Variants in MAP3K9 observed in about 807,000 individuals in gnomAD.
MAP3K9 encodes the protein mitogen-activated protein kinase kinase kinase 9.
Under a neutral mutation model 95.8 loss-of-function variants are expected in MAP3K9, and 46 were observed. The observed-to-expected ratio is 0.48, with a 90% CI of 0.38 to 0.61. The LOEUF (loss-of-function observed/expected upper bound fraction) is 0.61. MAP3K9 is among the 20% of genes least tolerant of loss of function. The pLI, the probability that MAP3K9 is intolerant of heterozygous loss-of-function variation, is 0.00. For synonymous variants in MAP3K9, 533 were observed against 593.8 expected, an observed-to-expected ratio of 0.90 and a Z score of 1.49; for missense variants, 1,296 against 1,474.3, an observed-to-expected ratio of 0.88 and a Z score of 1.98.
At chr14:70,807,416 G>A (rs926151379) in intron 1 of MAP3K9, among the ~76,000 whole-genome samples, 3 of 152,092 alleles carry the variant, frequency 2.0e-5, no homozygotes, top group Admixed American at 2.0e-4. Flanking sequence ...CTTGAACCCG[G>A]GAGGCAGAGG....
At chr14:70,747,904 C>T (rs577133114) in intron 5 of MAP3K9, among the ~76,000 whole-genome samples, 3 of 152,064 alleles carry the variant, frequency 2.0e-5, no homozygotes, top group Middle Eastern at 3.4e-3. Flanking sequence ...GTCAGGAGAT[C>T]GAGAGCATTC....
At chr14:70,808,113 AC>A (rs1443058784) in intron 1 of MAP3K9, among the ~76,000 whole-genome samples, 1 of 152,124 alleles carries the variant, frequency 6.6e-6, no homozygotes, top group East Asian at 1.9e-4. Flanking sequence ...CACTTGTCTC[AC>A]CCCCACTCTC....
Position 70,809,197 on chromosome 14 carries a change from G to GGCC in MAP3K9, c.-29_-27dup. The GGCC allele has an allele frequency of 3.9e-6, 5 of 1,294,904 alleles. No individual in the cohort carries two copies. The highest frequency in any genetic ancestry group is 4.9e-6 in the Non-Finnish European group (5 of 1,027,924). 80.2% of individuals were successfully genotyped at this position (1,294,904 alleles called of 1,614,324 possible). ...GGAGCGGCCGATCCATAGGGTGCGG[G>GGCC]GCCGCCGCCGCCCGCAGGAGCCGCC... On this transcript the variant is annotated 5_prime_UTR_variant, in exon 1 of 12. Transcript: ENST00000554752.
At chr14:70,783,045 A>T (rs2054701860) in intron 2 of MAP3K9, among the ~76,000 whole-genome samples, 1 of 152,150 alleles carries the variant, frequency 6.6e-6, no homozygotes, top group Admixed American at 6.5e-5. Flanking sequence ...AAAGTCTTAG[A>T]ATATCTTATT....
Position 70,809,367 on chromosome 14 carries a change from G to A in MAP3K9, c.-196C>T. On this transcript the variant is annotated 5_prime_UTR_variant, in exon 1 of 12. Transcript: ENST00000554752. ...GGTACGAGAAGAGCGCCGAGCGCGA[G>A]CTCTTCGCGCAGCCTAGGGGCGCAG... is the stretch of plus-strand genomic sequence containing the variant. The A allele has an allele frequency of 1.6e-6, 1 of 634,568 alleles. No individual in the cohort carries two copies. Among genetic ancestry groups the A allele is most frequent in the Non-Finnish European group, 2.2e-6 (1 of 444,616 alleles). 39.3% of individuals were successfully genotyped at this position (634,568 alleles called of 1,614,324 possible). A position where few individuals can be genotyped will look rare whatever the true frequency, so the allele number is the denominator to read the frequency against.
At chr14:70,749,130 A>G in intron 4 of MAP3K9, 126 bp from the exon 5 acceptor site, 1 of 879,906 alleles carries the variant, frequency 1.1e-6, no homozygotes, top group Non-Finnish European at 1.7e-6. Flanking sequence ...CAGAGATCAG[A>G]ATTTAGGTAA....
intron 3 of MAP3K9, among the ~76,000 whole-genome samples, chr14:70,754,038 G>C (rs1373552545): frequency 1.3e-5 from 2 of 152,082 alleles, no homozygotes; most frequent in African/African-American, 2.4e-5. Context: ...TCTTGCACTT[G>C]GTAATTATCT....
intron 2 of MAP3K9, among the ~76,000 whole-genome samples, chr14:70,776,833 C>CT (rs11361103): frequency 2.1e-4 from 29 of 138,540 alleles, no homozygotes; most frequent in South Asian, 4.7e-4. Flanking sequence ...AGATCTCTCA[C>CT]TTTTTTTTTT....
At position 70,728,673 on chromosome 14, in the gene MAP3K9, A is replaced by C. The variant is rs2139691545; in HGVS notation, c.*1707T>G. On this transcript the variant is annotated 3_prime_UTR_variant, in exon 12 of 12. Transcript: ENST00000554752. ...AGACTTGGTGGGCCCCTTGAACCAA[A>C]GTGCTAATGGGCTCATAAAGCAAGG... 6.6e-6 allele frequency: 1 copy of C among 152,362 alleles called. No individual in the cohort carries two copies. Among genetic ancestry groups the C allele is most frequent in the African/African-American group, 2.4e-5 (1 of 41,586 alleles). 9.4% of individuals were successfully genotyped at this position (152,362 alleles called of 1,614,324 possible).
intron 3 of MAP3K9, among the ~76,000 whole-genome samples, chr14:70,759,953 G>A (rs566302655): frequency 1.3e-5 from 2 of 151,902 alleles, no homozygotes; most frequent in East Asian, 1.9e-4. Context: ...TGGGGGTCTC[G>A]CTATGTTGCC....
At chr14:70,759,691 T>C (rs1228742554) in intron 3 of MAP3K9, among the ~76,000 whole-genome samples, 2 of 152,196 alleles carry the variant, frequency 1.3e-5, no homozygotes, top group African/African-American at 4.8e-5. Flanking sequence ...ACAGCAGCCC[T>C]AGGAAACTAA....
rs2053843507 is a variant in MAP3K9 at position 70,728,112 on chromosome 14, A to AATTTTT, written c.*2267_*2268insAAAAAT. On this transcript the variant is annotated 3_prime_UTR_variant, in exon 12 of 12. Transcript: ENST00000554752. ...CCGGGGGAAGGAGGCCACAGAACAG[A>AATTTTT]CTTTTTTTTTTTTTTTTTTTTTTTT... 1 of 27,220 alleles carries AATTTTT rather than the reference A, an allele frequency of 3.7e-5. No homozygotes were observed. Among genetic ancestry groups the AATTTTT allele is most frequent in the South Asian group, 1.3e-3 (1 of 792 alleles). 1.7% of individuals were successfully genotyped at this position (27,220 alleles called of 1,614,324 possible). A position where few individuals can be genotyped will look rare whatever the true frequency, so the allele number is the denominator to read the frequency against.
At chr14:70,773,699 T>C (rs763015238) in intron 2 of MAP3K9, among the ~76,000 whole-genome samples, 1 of 152,236 alleles carries the variant, frequency 6.6e-6, no homozygotes, top group Non-Finnish European at 1.5e-5. Flanking sequence ...GGAAAGTGAA[T>C]GTGATAGCTG....
chr14:70,759,290 T>TAA (rs531934069), intron 3 of MAP3K9, among the ~76,000 whole-genome samples: 17 of 151,922 alleles, frequency 1.1e-4, no homozygotes, highest in Non-Finnish European at 2.2e-4. Context: ...ACTAAAAATA[T>TAA]AAAAATTAGC....
chr14:70,733,208 G>T lies in MAP3K9; in HGVS notation c.2161C>A (p.Pro721Thr). The T allele has an allele frequency of 1.2e-6, 2 of 1,611,436 alleles. No homozygotes were observed. The highest frequency in any genetic ancestry group is 2.2e-5 in the East Asian group (1 of 44,764). ...GPSSDGIHEE[P>T]TPVNSATSTP... ...CTCGTGGCCGAGTTGACTGGGGTGG[G>T]CTCCTCATGGATTCCATCACTGGAG... is the stretch of plus-strand genomic sequence containing the variant. The change falls in exon 11 of 12, where the codon CCC becomes ACC. Residue 721 changes from proline to threonine, a missense_variant. By Grantham distance (38) the Pro-to-Thr change is conservative. Around this residue, in one of 5 missense-constraint regions of MAP3K9, gnomAD observed 377 missense variants for 417.1 expected, o/e 0.90. Transcript: ENST00000554752.
Position 70,723,181 on chromosome 14 carries a change from G to GA in MAP3K9, c.*7198dup, listed in dbSNP as rs1426280295. 6.6e-6 allele frequency: 1 copy of GA among 152,238 alleles called. No individual in the cohort carries two copies. The highest frequency in any genetic ancestry group is 6.5e-5 in the Admixed American group (1 of 15,276). 9.4% of individuals were successfully genotyped at this position (152,238 alleles called of 1,614,324 possible). Reference sequence around the variant, plus strand: ...AAAAGCCTGACCTCAAGTGCCCAGGGAGGAGACACAAGCTACAATAAGGCT... The same window carrying GA: ...AAAAGCCTGACCTCAAGTGCCCAGGGAAGGAGACACAAGCTACAATAAGGCT... On this transcript the variant is annotated 3_prime_UTR_variant, in exon 12 of 12. Coordinates refer to ENST00000554752, the MANE Select transcript of MAP3K9 (RefSeq NM_001284230.2).
rs780879400 is a variant in MAP3K9 at position 70,727,810 on chromosome 14, C to T, written c.*2570G>A. On this transcript the variant is annotated 3_prime_UTR_variant, in exon 12 of 12. Transcript: ENST00000554752. ...TAGCAAAGACCCAGGCTTGCTTTAT[C>T]TTTCCCCACAGTGGACAAGTAAGGA... 1 of 152,258 alleles carries T rather than the reference C, an allele frequency of 6.6e-6. No individual in the cohort carries two copies. Among genetic ancestry groups the T allele is most frequent in the Non-Finnish European group, 1.5e-5 (1 of 68,056 alleles). 9.4% of individuals were successfully genotyped at this position (152,258 alleles called of 1,614,324 possible). A position where few individuals can be genotyped will look rare whatever the true frequency, so the allele number is the denominator to read the frequency against.
intron 5 of MAP3K9, among the ~76,000 whole-genome samples, chr14:70,747,389 G>C (rs1349091070): frequency 3.9e-5 from 6 of 152,188 alleles, no homozygotes; most frequent in African/African-American, 1.4e-4. Context: ...ACCATGTGAA[G>C]AAGGACCTGT....
rs1399374061 is a variant in MAP3K9, at chr14:70,774,968, G to C, written c.821-13786C>G. Among the ~76,000 whole-genome samples the C allele has an allele frequency of 5.4e-5, 5 of 92,212 alleles. No individual in the cohort carries two copies. In the South Asian group the frequency reaches 1.7e-3, roughly 31 times the overall value. 60.5% of individuals were successfully genotyped at this position (92,212 alleles called of 152,430 possible). ...CACTGCACTCCAGCCTGGAGACAGA[G>C]TGAGACTCTGTCCCCAAAAAAAAAA... On this transcript the variant is annotated intron_variant, in intron 2 of 11. Coordinates refer to ENST00000554752, the MANE Select transcript of MAP3K9 (RefSeq NM_001284230.2).
Sources: gnomAD v4.1 joint callset for allele counts (sites outside exome capture counted in the v4.1 genomes callset) on GRCh38, gnomAD v4.1.1 for gene constraint, gnomAD v4.1.1 regional missense constraint, MANE v1.5 for transcripts, NCBI Gene and HGNC (gene_info 2026-07-23, HGNC 2026-07-21) for gene names.